The following PFKFB4 variants were observed in gnomAD, a reference collection of about 807,000 sequenced individuals.
PFKFB4 encodes 6-phosphofructo-2-kinase/fructose-2,6-bisphosphatase 4.
In PFKFB4, 42 loss-of-function variants were observed where a neutral mutation model predicts 62.8. That is an observed-to-expected ratio of 0.67 (90% CI 0.52 to 0.86). The LOEUF (loss-of-function observed/expected upper bound fraction) is 0.86. Ranked by LOEUF, PFKFB4 falls within the 40% of genes least tolerant of loss-of-function variation. PFKFB4 has a pLI of 0.00. For missense variants in PFKFB4, 475 were observed against 627.2 expected, an observed-to-expected ratio of 0.76 and a Z score of 2.59; for synonymous variants, 204 against 240.7, an observed-to-expected ratio of 0.85 and a Z score of 1.41.
chr3:48,542,242 G>A (rs994533638), intron 4 of PFKFB4, among the ~76,000 whole-genome samples: 1 of 151,628 alleles, frequency 6.6e-6, no homozygotes, highest in Admixed American at 6.6e-5. Context: ...GCTGAGGCAG[G>A]AGAGTGGCGT....
intron 3 of PFKFB4, among the ~76,000 whole-genome samples, chr3:48,543,981 A>C (rs2042880698): frequency 6.6e-6 from 1 of 151,252 alleles, no homozygotes; most frequent in Admixed American, 6.6e-5. Context: ...TTCCCTGATT[A>C]TCAAAATAAG....
intron 1 of PFKFB4, among the ~76,000 whole-genome samples, chr3:48,555,928 A>C (rs544646428): frequency 1.3e-5 from 2 of 151,582 alleles, no homozygotes; most frequent in Non-Finnish European, 2.9e-5. Context: ...AAAAACTGCC[A>C]GCTCATTTAA....
At chr3:48,539,546 C>A in intron 5 of PFKFB4, 151 bp downstream of exon 5, 1 of 761,284 alleles carries the variant, frequency 1.3e-6, no homozygotes, top group East Asian at 2.6e-5. Flanking sequence ...GAAAGCAAAC[C>A]CCAAGTGGAG....
At chr3:48,537,631 T>A (rs1048244891) in intron 7 of PFKFB4, among the ~76,000 whole-genome samples, 3 of 151,162 alleles carry the variant, frequency 2.0e-5, no homozygotes, top group African/African-American at 7.3e-5. Context: ...CTTAGGTGAT[T>A]CTCCCACCTC....
intron 4 of PFKFB4, among the ~76,000 whole-genome samples, chr3:48,543,303 C>A (rs889679055): frequency 6.6e-6 from 1 of 152,220 alleles, no homozygotes; most frequent in Non-Finnish European, 1.5e-5. Context: ...AACCTGATAC[C>A]TGTAACTTCT....
At chr3:48,532,072 C>T (rs1384011094) in intron 9 of PFKFB4, among the ~76,000 whole-genome samples, 2 of 152,094 alleles carry the variant, frequency 1.3e-5, no homozygotes, top group Non-Finnish European at 2.9e-5. Context: ...TCTGGGAGGC[C>T]GAGGCGGGTG....
intron 6 of PFKFB4, among the ~76,000 whole-genome samples, chr3:48,539,031 T>C (rs1013449071): frequency 2.6e-5 from 4 of 152,044 alleles, no homozygotes; most frequent in Non-Finnish European, 5.9e-5. Flanking sequence ...GCTCTCCTAG[T>C]GTCCAGGTGG....
chr3:48,524,239 A>G (rs2042186417), intron 10 of PFKFB4, among the ~76,000 whole-genome samples: 1 of 152,220 alleles, frequency 6.6e-6, no homozygotes, highest in Non-Finnish European at 1.5e-5. Context: ...AACTTTCTGG[A>G]GTGTGACTCA....
chr3:48,537,516 CTTT>C (rs34454675), intron 7 of PFKFB4, among the ~76,000 whole-genome samples: 7 of 91,388 alleles, frequency 7.7e-5, no homozygotes, highest in African/African-American at 3.0e-4. Flanking sequence ...CATGTGCATC[CTTT>C]TTTTTTTTTT....
intron 13 of PFKFB4, among the ~76,000 whole-genome samples, chr3:48,520,220 G>A (rs1329926219): frequency 6.6e-6 from 1 of 152,272 alleles, no homozygotes; most frequent in African/African-American, 2.4e-5. Context: ...TGGCACGCAG[G>A]TGTCAGAGGT....
intron 8 of PFKFB4, 92 bp downstream of exon 8, chr3:48,536,164 G>A (rs2107523548): frequency 4.7e-6 from 5 of 1,060,646 alleles, no homozygotes; most frequent in East Asian, 2.4e-5. Context: ...AAGAATGGGA[G>A]CCTAGCCCCA....
chr3:48,561,714 A>G (rs1392930054), upstream of PFKFB4: 1 of 144,372 alleles, frequency 6.9e-6, no homozygotes, highest in Non-Finnish European at 1.5e-5. This position sits in a 1 kb window ranked among gnomAD's most constrained non-coding sequence, Gnocchi z 5.2. Flanking sequence ...CAATGCTCAC[A>G]GGCTTGCTGG....
At position 48,535,580 on chromosome 3, in the gene PFKFB4, T is replaced by C. The variant is rs1575374300; in HGVS notation, c.919A>G (p.Thr307Ala). Residue 307 changes from threonine (T) to alanine (A), a missense_variant, in exon 9 of 14, where the codon ACA becomes GCA. Thr to Ala is a moderately conservative substitution (Grantham distance 58). Transcript: ENST00000232375. ...LKVWTSQMKR[T>A]IQTAEALGVP... ...CCCAGTGCCTCAGCCGTCTGGATTGTCCTCTTCATCTGGCTTGTCCAGACC... is the reference window on the plus strand; with the variant it reads ...CCCAGTGCCTCAGCCGTCTGGATTGCCCTCTTCATCTGGCTTGTCCAGACC... 1 of 1,614,126 alleles carries C rather than the reference T, an allele frequency of 6.2e-7. No homozygotes were observed. Among genetic ancestry groups the C allele is most frequent in the East Asian group, 2.2e-5 (1 of 44,888 alleles).
intron 1 of PFKFB4, among the ~76,000 whole-genome samples, chr3:48,552,051 C>CA (rs1449076231): frequency 6.6e-6 from 1 of 152,198 alleles, no homozygotes; most frequent in Non-Finnish European, 1.5e-5. Flanking sequence ...TTGTTTCCCT[C>CA]AGAGCACAGA....
upstream of PFKFB4, chr3:48,562,915 C>A (rs200780329): frequency 6.2e-7 from 1 of 1,604,514 alleles, no homozygotes; most frequent in Non-Finnish European, 8.5e-7. This position sits in a 1 kb window ranked among gnomAD's most constrained non-coding sequence, Gnocchi z 4.3. Context: ...GGACAATGCG[C>A]GAGCCAGGGT....
intron 7 of PFKFB4, chr3:48,536,805 A>C: frequency 3.4e-6 from 1 of 297,466 alleles, no homozygotes; most frequent in South Asian, 5.1e-5. Flanking sequence ...CTATCTCCGC[A>C]CTCTCAATAC....
At chr3:48,532,492 T>C (rs934663626) in intron 9 of PFKFB4, among the ~76,000 whole-genome samples, 2 of 152,182 alleles carry the variant, frequency 1.3e-5, no homozygotes, top group Admixed American at 6.5e-5. Context: ...CAAGTGTCCA[T>C]TGGCAGATGA....
At chr3:48,548,793 A>G (rs1412278523) in intron 3 of PFKFB4, 1 of 152,218 alleles carries the variant, frequency 6.6e-6, no homozygotes, top group African/African-American at 2.4e-5. Flanking sequence ...ATTTGGCCAT[A>G]GAAACCTGAA....
At chr3:48,536,097 TAC>T (rs2107523277) in intron 8 of PFKFB4, among the ~76,000 whole-genome samples, 157 bp downstream of exon 8, 1 of 152,340 alleles carries the variant, frequency 6.6e-6, no homozygotes, top group East Asian at 1.9e-4. Flanking sequence ...TGACCTTCCC[TAC>T]ATGATGGGAA....
Sources: allele counts gnomAD v4.1 joint callset (sites outside exome capture counted in the v4.1 genomes callset), GRCh38; gene constraint gnomAD v4.1.1; non-coding constraint Gnocchi (gnomAD v3.1); transcripts MANE v1.5; gene names NCBI Gene and HGNC (gene_info 2026-07-23, HGNC 2026-07-21).